The following KCNMA1 variants were observed in gnomAD, a reference collection of about 807,000 sequenced individuals.
KCNMA1 encodes Calcium-activated potassium channel subunit alpha-1.
In KCNMA1, 29 loss-of-function variants were observed where a neutral mutation model predicts 140.0. The ratio of observed to expected loss-of-function variants is 0.21; its 90% CI spans 0.15 to 0.28. KCNMA1 has a LOEUF of 0.28. Among genes scored for constraint, KCNMA1 ranks in the 10% least tolerant of loss-of-function variants. The pLI, the probability that KCNMA1 is intolerant of heterozygous loss-of-function variation, is 1.00. For missense variants in KCNMA1, 880 were observed against 1,602.2 expected, an observed-to-expected ratio of 0.55 and a Z score of 7.70; for synonymous variants, 612 against 611.9, an observed-to-expected ratio of 1.00 and a Z score of 0.00.
At chr10:77,189,482 C>A (rs1002327264) in intron 3 of KCNMA1, among the ~76,000 whole-genome samples, 1 of 152,058 alleles carries the variant, frequency 6.6e-6, no homozygotes, top group Non-Finnish European at 1.5e-5. Flanking sequence ...TCAGAGAGTA[C>A]CTGCTGAGCA....
At chr10:77,171,146 T>G (rs1053218566) in intron 5 of KCNMA1, among the ~76,000 whole-genome samples, 2 of 152,128 alleles carry the variant, frequency 1.3e-5, no homozygotes, top group African/African-American at 4.8e-5. Context: ...AGCAGCAGCA[T>G]CACTTGGGAA....
At chr10:77,251,295 G>C in intron 2 of KCNMA1, 39 bp from the exon 3 acceptor site, 1 of 1,550,056 alleles carries the variant, frequency 6.5e-7, no homozygotes, top group Non-Finnish European at 8.9e-7. Context: ...TTAAGAGTTG[G>C]ACCTCAGGAT....
At chr10:77,506,745 T>TG (rs2046208381) in intron 1 of KCNMA1, among the ~76,000 whole-genome samples, 1 of 113,612 alleles carries the variant, frequency 8.8e-6, no homozygotes, top group African/African-American at 3.6e-5. Context: ...TGTGTGTTTG[T>TG]TAGAGAGGGA....
chr10:77,025,732 A>G (rs1191339922), intron 16 of KCNMA1, among the ~76,000 whole-genome samples: 2 of 152,138 alleles, frequency 1.3e-5, no homozygotes, highest in Non-Finnish European at 2.9e-5. Context: ...GAAGTGGGAC[A>G]TGTTTAAATA....
At chr10:77,346,935 C>G (rs2092257904) in intron 2 of KCNMA1, among the ~76,000 whole-genome samples, 1 of 152,174 alleles carries the variant, frequency 6.6e-6, no homozygotes, top group Admixed American at 6.5e-5. Context: ...AGAAACATGG[C>G]CAAGCACAGA....
At position 77,085,868 on chromosome 10, in the gene KCNMA1, C is replaced by T. The variant is rs1473701300; in HGVS notation, c.1440+620G>A. ...TATTACATAGGTAAAGTAGCAGATG[C>T]CATTTTGCCTTGTACCTTTCCCTTC... On this transcript the variant is annotated intron_variant, in intron 11 of 27. Transcript: ENST00000286628. Among the ~76,000 whole-genome samples, 3 of 152,104 alleles carry T rather than the reference C, an allele frequency of 2.0e-5. No individual in the cohort carries two copies. The East Asian group carries it at 5.8e-4, about 29-fold the overall frequency.
intron 23 of KCNMA1, among the ~76,000 whole-genome samples, chr10:76,936,734 G>A (rs1274858912): frequency 6.6e-6 from 1 of 152,156 alleles, no homozygotes; most frequent in African/African-American, 2.4e-5. Context: ...AGTGGGAGAA[G>A]GCAGAGCCCT....
At chr10:77,031,390 T>C (rs1378601968) in intron 15 of KCNMA1, among the ~76,000 whole-genome samples, 1 of 152,200 alleles carries the variant, frequency 6.6e-6, no homozygotes, top group Non-Finnish European at 1.5e-5. Context: ...TGTTCTCCAA[T>C]GTGCCACAGT....
intron 15 of KCNMA1, among the ~76,000 whole-genome samples, chr10:77,034,780 G>A (rs572979339): frequency 6.6e-6 from 1 of 152,346 alleles, no homozygotes; most frequent in African/African-American, 2.4e-5. Context: ...ATCAGCTGCA[G>A]AGGGACAGAG....
chr10:77,524,835 G>T (rs908874109), intron 1 of KCNMA1, among the ~76,000 whole-genome samples: 9 of 152,182 alleles, frequency 5.9e-5, no homozygotes, highest in Admixed American at 3.9e-4. Flanking sequence ...TACTCAGAGG[G>T]TTATGCGGGA....
At chr10:77,489,021 T>C (rs2098499606) in intron 1 of KCNMA1, among the ~76,000 whole-genome samples, 1 of 152,084 alleles carries the variant, frequency 6.6e-6, no homozygotes, top group Non-Finnish European at 1.5e-5. Context: ...CACCTGCCCC[T>C]TCCCATCTTC....
chr10:77,146,485 G>A (rs1341158190), intron 5 of KCNMA1, among the ~76,000 whole-genome samples: 1 of 152,118 alleles, frequency 6.6e-6, no homozygotes, highest in African/African-American at 2.4e-5. Flanking sequence ...CAGATAGGTT[G>A]AGGCCAGGAG....
At chr10:77,212,545 A>G (rs564221771) in intron 3 of KCNMA1, among the ~76,000 whole-genome samples, 1 of 152,278 alleles carries the variant, frequency 6.6e-6, no homozygotes, top group South Asian at 2.1e-4. Context: ...CTGCATATGT[A>G]CCCCCTGTAT....
intron 2 of KCNMA1, among the ~76,000 whole-genome samples, chr10:77,326,271 C>A (rs890857270): frequency 6.6e-6 from 1 of 152,146 alleles, no homozygotes; most frequent in Non-Finnish European, 1.5e-5. Flanking sequence ...CAGGTTCCCC[C>A]ACAAGTCTCA....
intron 1 of KCNMA1, among the ~76,000 whole-genome samples, chr10:77,620,261 C>T (rs371205961): frequency 1.6e-4 from 24 of 152,146 alleles, no homozygotes; most frequent in East Asian, 1.2e-3. Flanking sequence ...TGGGCCTGGC[C>T]GCCGGGCCTG....
Position 77,230,952 on chromosome 10 carries a change from T to C in KCNMA1, c.602+20243A>G, listed in dbSNP as rs1043104424. On this transcript the variant is annotated intron_variant, in intron 3 of 27. Transcript: ENST00000286628. ...GCAGATAACCTCAATCAACATCTGA[T>C]TACTTCTTTAATTTCCAGAGCTTGC... Among the ~76,000 whole-genome samples the C allele has an allele frequency of 3.3e-5, 5 of 152,282 alleles. No homozygotes were observed. The East Asian group carries it at 9.7e-4, about 29-fold the overall frequency.
At chr10:77,397,760 C>T (rs1014691653) in intron 2 of KCNMA1, among the ~76,000 whole-genome samples, 2 of 152,226 alleles carry the variant, frequency 1.3e-5, no homozygotes, top group South Asian at 2.1e-4. Context: ...CATCACTCAT[C>T]GCCACCTCCC....
intron 14 of KCNMA1, among the ~76,000 whole-genome samples, chr10:77,046,125 C>A (rs2095040236): frequency 6.6e-6 from 1 of 152,174 alleles, no homozygotes; most frequent in Non-Finnish European, 1.5e-5. Context: ...AGTGTATTCA[C>A]AAGAACTTAC....
At chr10:77,305,574 C>A (rs954120822) in intron 2 of KCNMA1, among the ~76,000 whole-genome samples, 2 of 152,118 alleles carry the variant, frequency 1.3e-5, no homozygotes, top group African/African-American at 4.8e-5. Context: ...AATGCAAGAC[C>A]CACATAGTCA....
Sources: gnomAD v4.1 joint callset for allele counts (sites outside exome capture counted in the v4.1 genomes callset) on GRCh38, gnomAD v4.1.1 for gene constraint, MANE v1.5 for transcripts, NCBI Gene and HGNC (gene_info 2026-07-23, HGNC 2026-07-21) for gene names.